Variants in SV2B observed in about 807,000 individuals in gnomAD.
SV2B encodes the protein synaptic vesicle glycoprotein 2B.
A neutral mutation model predicts 73.9 loss-of-function variants in SV2B; 41 were observed. That is an observed-to-expected ratio of 0.56 (90% CI 0.43 to 0.72). SV2B has a LOEUF of 0.72. Ranked by LOEUF, SV2B falls within the 30% of genes least tolerant of loss-of-function variation. The pLI is 0.00. For missense variants in SV2B, 764 were observed against 857.8 expected (o/e 0.89, Z 1.37); for synonymous variants, 314 against 314.2 (o/e 1.00, Z 0.01).
At chr15:91,148,947 A>C in intron 1 of SV2B, among the ~76,000 whole-genome samples, 1 of 152,248 alleles carries the variant, frequency 6.6e-6, no homozygotes, top group East Asian at 1.9e-4. Flanking sequence ...AATCTCATCC[A>C]GAAACACCAT....
intron 1 of SV2B, among the ~76,000 whole-genome samples, chr15:91,191,737 A>G (rs535240525): frequency 3.2e-4 from 49 of 152,356 alleles, no homozygotes; most frequent in African/African-American, 1.1e-3. Flanking sequence ...TTTTAAATAC[A>G]TCTCTTATAG....
rs150561797 is a variant in SV2B, at chr15:91,301,866, G to A, written c.*9314G>A. 2.2e-3 allele frequency among the ~76,000 whole-genome samples: 337 copies of A among 152,288 alleles called. 1 individual carries two copies. The highest frequency in any genetic ancestry group is 7.7e-3 in the African/African-American group (318 of 41,566). ...TTGGCGCTCAAAAAGTTTTCAATTT[G>A]GGAGCATTTCGGATTTTTGACTTTT... On this transcript the variant is annotated 3_prime_UTR_variant, in exon 13 of 13. Coordinates refer to ENST00000394232, the MANE Select transcript of SV2B (RefSeq NM_001323032.3). This position sits in a 1 kb window ranked among gnomAD's most constrained non-coding sequence, Gnocchi z 4.3.
intron 1 of SV2B, among the ~76,000 whole-genome samples, chr15:91,166,546 C>T (rs57374761): frequency 0.12 from 17,744 of 151,742 alleles, 1,351 homozygotes; most frequent in South Asian, 0.22. Context: ...TTTTTCAGCA[C>T]CTATCTTTTT....
rs2141188075 is a variant in SV2B, at chr15:91,141,747, T to TTC, written c.-392+41385_-392+41386insCT. On this transcript the variant is annotated intron_variant, in intron 1 of 12. Coordinates refer to ENST00000394232, the MANE Select transcript of SV2B (RefSeq NM_001323032.3). The surrounding 1 kb of genome is among the most constrained non-coding windows in gnomAD (Gnocchi z 4.6). ...CCAAATAGTTTGGGTTTTGTTTTGT[T>TTC]TTTTTTTTTGGACAGAGGTCACATT... 6.6e-6 allele frequency among the ~76,000 whole-genome samples: 1 copy of TTC among 151,128 alleles called. No individual in the cohort carries two copies. Among genetic ancestry groups the TTC allele is most frequent in the African/African-American group, 2.4e-5 (1 of 41,310 alleles).
In SV2B at chr15:91,122,280, G is replaced by T. The variant is rs1330193310; in HGVS notation, c.-392+21917G>T. ...TGAGTACAGAGTCAGATTCAGAGAA[G>T]GAGTTGATCAACGATATCCTCTCCC... On this transcript the variant is annotated intron_variant, in intron 1 of 12. Coordinates refer to ENST00000394232, the MANE Select transcript of SV2B (RefSeq NM_001323032.3). The surrounding 1 kb of genome is among the most constrained non-coding windows in gnomAD (Gnocchi z 4.3). Among the ~76,000 whole-genome samples, 3 of 152,196 alleles carry T rather than the reference G, an allele frequency of 2.0e-5. No individual in the cohort carries two copies. The highest frequency in any genetic ancestry group is 6.5e-5 in the Admixed American group (1 of 15,282).
intron 1 of SV2B, among the ~76,000 whole-genome samples, chr15:91,190,718 A>G (rs1214652261): frequency 6.6e-6 from 1 of 152,224 alleles, no homozygotes; most frequent in Non-Finnish European, 1.5e-5. Flanking sequence ...GGATTTTGCA[A>G]ATGTTCCATA....
rs2048283086 is a variant in SV2B, at chr15:91,270,913, T to TGGATGATGGGA, written c.1373+2311_1373+2312insTGATGGGAGGA. ...GATGATGGGAGGACGGTGAGTCCTG[T>TGGATGATGGGA]GGACGATGGGAGGACGGTGAGTCCT... On this transcript the variant is annotated intron_variant, in intron 9 of 12. Transcript: ENST00000394232. Among the ~76,000 whole-genome samples, 8 of 140,456 alleles carry TGGATGATGGGA rather than the reference T, an allele frequency of 5.7e-5. 1 individual carries two copies. Among genetic ancestry groups the TGGATGATGGGA allele is most frequent in the African/African-American group, 2.3e-4 (8 of 35,164 alleles). 92.1% of individuals were successfully genotyped at this position (140,456 alleles called of 152,430 possible). A position where few individuals can be genotyped will look rare whatever the true frequency, so the allele number is the denominator to read the frequency against.
chr15:91,195,175 T>TG (rs1294350828), intron 1 of SV2B, among the ~76,000 whole-genome samples: 3 of 152,130 alleles, frequency 2.0e-5, no homozygotes, highest in Non-Finnish European at 4.4e-5. Context: ...TGTTTTTTTT[T>TG]GAGATGGGGT....
chr15:91,283,732 A>G lies in SV2B; in HGVS notation c.1508-289A>G, dbSNP rs2048759471. Among the ~76,000 whole-genome samples, 1 of 152,130 alleles carries G rather than the reference A, an allele frequency of 6.6e-6. No homozygotes were observed. The highest frequency in any genetic ancestry group is 1.5e-5 in the Non-Finnish European group (1 of 68,006). Reference sequence around the variant, plus strand: ...GCCTCCTCAAGTGCTGGGATTACAGATGTGGGCCACTACACCTGGCTGAGA... The same window carrying G: ...GCCTCCTCAAGTGCTGGGATTACAGGTGTGGGCCACTACACCTGGCTGAGA... On this transcript the variant is annotated intron_variant, in intron 10 of 12. Coordinates refer to ENST00000394232, the MANE Select transcript of SV2B (RefSeq NM_001323032.3). The surrounding 1 kb of genome is among the most constrained non-coding windows in gnomAD (Gnocchi z 4.3).
intron 1 of SV2B, among the ~76,000 whole-genome samples, chr15:91,174,889 C>G (rs555887020): frequency 6.6e-6 from 1 of 152,124 alleles, no homozygotes; most frequent in East Asian, 1.9e-4. Flanking sequence ...GCTCAGACCC[C>G]GTCGTCTTGG....
intron 1 of SV2B, among the ~76,000 whole-genome samples, chr15:91,208,374 T>C (rs951931115): frequency 1.1e-4 from 17 of 152,198 alleles, no homozygotes; most frequent in Non-Finnish European, 2.2e-4. Flanking sequence ...AAAAGTGTTT[T>C]CCCCCCACCC....
intron 10 of SV2B, among the ~76,000 whole-genome samples, chr15:91,282,747 T>C (rs1344375743): frequency 6.6e-6 from 1 of 152,208 alleles, no homozygotes; most frequent in Non-Finnish European, 1.5e-5. Flanking sequence ...CAGCAAGGGA[T>C]AGTTTATATA....
At chr15:91,226,746 GA>G (rs1364877623) in intron 2 of SV2B, 32 bp downstream of exon 2, 1 of 1,586,628 alleles carries the variant, frequency 6.3e-7, no homozygotes, top group Non-Finnish European at 8.5e-7. Context: ...TCCCTCCAAT[GA>G]AAGGGAAGGA....
chr15:91,167,049 G>T (rs1464690489), intron 1 of SV2B, among the ~76,000 whole-genome samples: 1 of 152,070 alleles, frequency 6.6e-6, no homozygotes, highest in Non-Finnish European at 1.5e-5. Context: ...TCCTGACCTC[G>T]TGATCCGCCT....
intron 2 of SV2B, among the ~76,000 whole-genome samples, chr15:91,247,499 C>T (rs776789478): frequency 1.1e-4 from 16 of 152,126 alleles, no homozygotes; most frequent in Non-Finnish European, 2.2e-4. Context: ...AGCTACCTCC[C>T]CTAGGGCTTG....
rs147067389 is a variant in SV2B at position 91,283,864 on chromosome 15, T to TGACATGGCCACATATTACCTTGAC, written c.1508-156_1508-133dup. 0.12 allele frequency among the ~76,000 whole-genome samples: 18,484 copies of TGACATGGCCACATATTACCTTGAC among 151,924 alleles called. 1,480 individuals carry two copies. Among genetic ancestry groups the TGACATGGCCACATATTACCTTGAC allele is most frequent in the African/African-American group, 0.23 (9,529 of 41,320 alleles). ...GTTTCTCTCCTCATCCATACCTTGA[T>TGACATGGCCACATATTACCTTGAC]GACATGGCCACATATTACCTTGACT... On this transcript the variant is annotated intron_variant, in intron 10 of 12. Coordinates refer to ENST00000394232, the MANE Select transcript of SV2B (RefSeq NM_001323032.3). The surrounding 1 kb of genome is among the most constrained non-coding windows in gnomAD (Gnocchi z 4.3).
intron 1 of SV2B, among the ~76,000 whole-genome samples, chr15:91,108,015 TG>T (rs1184819442): frequency 6.6e-6 from 1 of 152,142 alleles, no homozygotes; most frequent in East Asian, 1.9e-4. Context: ...GGTGTGGTGG[TG>T]GTGATGATGA....
At chr15:91,262,113 A>G (rs1276897647) in intron 6 of SV2B, among the ~76,000 whole-genome samples, 1 of 152,198 alleles carries the variant, frequency 6.6e-6, no homozygotes, top group African/African-American at 2.4e-5. Flanking sequence ...CCTGCATCCA[A>G]AGTATCAAAT....
Position 91,200,950 on chromosome 15 carries a change from A to G in SV2B, c.-391-24923A>G, listed in dbSNP as rs141173359. Among the ~76,000 whole-genome samples the G allele has an allele frequency of 1.8e-3, 272 of 152,330 alleles. 2 individuals are homozygous for G. Among genetic ancestry groups the G allele is most frequent in the African/African-American group, 6.2e-3 (258 of 41,582 alleles). The stretch of plus-strand genomic sequence containing the variant: ...AGAAAACAAAACAAAACTGAAAGCT[A>G]TTCTCCATCTCTTTGTACACATCCT... On this transcript the variant is annotated intron_variant, in intron 1 of 12. Transcript: ENST00000394232.
Sources: gnomAD v4.1 joint callset for allele counts (sites outside exome capture counted in the v4.1 genomes callset) on GRCh38, gnomAD v4.1.1 for gene constraint, Gnocchi (gnomAD v3.1) non-coding constraint, MANE v1.5 for transcripts, NCBI Gene and HGNC (gene_info 2026-07-23, HGNC 2026-07-21) for gene names.